Variants in OLAH observed in about 807,000 individuals in gnomAD.
The protein encoded by OLAH is oleoyl-ACP hydrolase, also known as S-acyl fatty acid synthase thioesterase, medium chain.
In OLAH, 33 loss-of-function variants were observed where a neutral mutation model predicts 27.8. The observed-to-expected ratio is 1.19, with a 90% CI of 0.90 to 1.59. The LOEUF is 1.59. Among genes scored for constraint, OLAH ranks in the 40% most tolerant of loss-of-function variants. The pLI is 0.00. For synonymous variants in OLAH, 120 were observed against 102.9 expected (o/e 1.17, Z -1.01); for missense variants, 359 against 310.8 (o/e 1.16, Z -1.17).
intron 3 of OLAH, among the ~76,000 whole-genome samples, chr10:15,050,048 A>G (rs575156848): frequency 3.9e-5 from 6 of 152,262 alleles, no homozygotes; most frequent in East Asian, 1.9e-4. Context: ...CCATCTTGCA[A>G]TTGTTTCCAA....
In OLAH at chr10:15,055,240, T is replaced by C. The variant is rs1844224171; in HGVS notation, c.163+5475T>C. Among the ~76,000 whole-genome samples the C allele has an allele frequency of 2.6e-5, 4 of 152,342 alleles. No individual in the cohort carries two copies. The South Asian group carries it at 8.3e-4, about 32-fold the overall frequency. Reference sequence around the variant, plus strand: ...ACATTTATCTTTGTTTACGACAAAGTGTGTTAGATTTTCCTGACGAGCAAG... The same window carrying C: ...ACATTTATCTTTGTTTACGACAAAGCGTGTTAGATTTTCCTGACGAGCAAG... On this transcript the variant is annotated intron_variant, in intron 3 of 7. Coordinates refer to ENST00000378228, the MANE Select transcript of OLAH (RefSeq NM_001039702.3).
intron 6 of OLAH, among the ~76,000 whole-genome samples, chr10:15,067,370 C>G (rs1400181376): frequency 8.1e-6 from 1 of 123,024 alleles, no homozygotes; most frequent in Non-Finnish European, 1.6e-5. Flanking sequence ...CTCATCTCAT[C>G]AAAGAAGGGA....
At chr10:15,066,603 T>A (rs1844471940) in intron 6 of OLAH, among the ~76,000 whole-genome samples, 1 of 149,000 alleles carries the variant, frequency 6.7e-6, no homozygotes, top group Non-Finnish European at 1.5e-5. Context: ...TTCCTATTTT[T>A]ATTTTATTTA....
chr10:15,071,826 T>G lies in OLAH; in HGVS notation c.604T>G (p.Cys202Gly), dbSNP rs1346072659. 2 of 1,613,730 alleles carry G rather than the reference T, an allele frequency of 1.2e-6. No homozygotes were observed. Among genetic ancestry groups the G allele is most frequent in the East Asian group, 4.5e-5 (2 of 44,888 alleles). Residue 202 changes from cysteine (C) to glycine (G), a missense_variant, in exon 7 of 8, where the codon TGT becomes GGT. Coordinates refer to ENST00000378228, the MANE Select transcript of OLAH (RefSeq NM_001039702.3). Reference sequence around the variant, plus strand: ...CGTACCATCTAAGGCTGTTCTTTCCTGTGACTTGACATGTTTTGTTGGATC... The same window carrying G: ...CGTACCATCTAAGGCTGTTCTTTCCGGTGACTTGACATGTTTTGTTGGATC... ...SNVPSKAVLS[C>G]DLTCFVGSED...
chr10:15,072,996 C>T (rs1844621305), intron 7 of OLAH, 91 bp from the exon 8 acceptor site: 6 of 1,221,660 alleles, frequency 4.9e-6, no homozygotes, highest in Non-Finnish European at 7.1e-6. Flanking sequence ...AACCGTACTT[C>T]AGGGTGTCAG....
chr10:15,040,702 A>T (rs893455880), upstream of OLAH, among the ~76,000 whole-genome samples: 1 of 152,064 alleles, frequency 6.6e-6, no homozygotes, highest in African/African-American at 2.4e-5. Context: ...ATTCCACATG[A>T]TAGGAATTCC....
Position 15,055,851 on chromosome 10 carries a change from CT to C in OLAH, c.164-5858del, listed in dbSNP as rs35808430. Among the ~76,000 whole-genome samples the C allele has an allele frequency of 8.6e-3, 1,225 of 142,122 alleles. 7 individuals carry two copies. The highest frequency in any genetic ancestry group is 0.023 in the African/African-American group (883 of 38,732). 93.2% of individuals were successfully genotyped at this position (142,122 alleles called of 152,430 possible). On this transcript the variant is annotated intron_variant, in intron 3 of 7. Coordinates refer to ENST00000378228, the MANE Select transcript of OLAH (RefSeq NM_001039702.3). ...TCTCTCATATTTCTAACTTTATATA[CT>C]TTTTTTTTTTTTTTGGAGACAGAGT...
upstream of OLAH, among the ~76,000 whole-genome samples, chr10:15,039,550 C>T (rs1035605195): frequency 2.9e-4 from 44 of 152,188 alleles, no homozygotes; most frequent in African/African-American, 1.1e-3. Context: ...GCACTCCAGC[C>T]TGGACAATAA....
At chr10:15,067,891 C>A (rs1844499500) in intron 6 of OLAH, among the ~76,000 whole-genome samples, 1 of 152,222 alleles carries the variant, frequency 6.6e-6, no homozygotes, top group Non-Finnish European at 1.5e-5. Context: ...GCTGTGACTA[C>A]TTCAGCTCAT....
chr10:15,047,239 G>C lies in OLAH; in HGVS notation c.-50G>C, dbSNP rs370560570. The C allele has an allele frequency of 2.5e-6, 4 of 1,603,218 alleles. No homozygotes were observed. Among genetic ancestry groups the C allele is most frequent in the Non-Finnish European group, 2.6e-6 (3 of 1,172,840 alleles). The stretch of plus-strand genomic sequence containing the variant: ...CTCAAGAGGAACTGACTTCTGTTGA[G>C]CACTCAACACGCCACAGAGACCAGC... On this transcript the variant is annotated 5_prime_UTR_variant, in exon 2 of 8. Coordinates refer to ENST00000378228, the MANE Select transcript of OLAH (RefSeq NM_001039702.3).
chr10:15,052,693 T>C (rs2131352062), intron 3 of OLAH, among the ~76,000 whole-genome samples: 1 of 152,268 alleles, frequency 6.6e-6, no homozygotes, highest in Middle Eastern at 3.4e-3. Flanking sequence ...TTTGCTTCTT[T>C]TATAAATGAC....
chr10:15,035,564 C>T (rs1843829153), intron 1 of OLAH, among the ~76,000 whole-genome samples: 1 of 152,136 alleles, frequency 6.6e-6, no homozygotes, highest in African/African-American at 2.4e-5. Context: ...TGAGACAGCA[C>T]CAAGCCACGT....
At chr10:15,041,274 A>AT (rs199575174), upstream of OLAH, among the ~76,000 whole-genome samples, 15 of 136,592 alleles carry the variant, frequency 1.1e-4, no homozygotes, top group Non-Finnish European at 2.1e-4. Context: ...TTTTATTTTT[A>AT]TTTTTATTTT....
chr10:15,051,014 T>A (rs544914791), intron 3 of OLAH, among the ~76,000 whole-genome samples: 1 of 151,648 alleles, frequency 6.6e-6, no homozygotes, highest in Admixed American at 6.6e-5. Flanking sequence ...TGCACTTTTT[T>A]ATTTAATGTT....
intron 1 of OLAH, among the ~76,000 whole-genome samples, chr10:15,046,654 A>G (rs1039487367): frequency 6.6e-6 from 1 of 151,882 alleles, no homozygotes; most frequent in African/African-American, 2.4e-5. Flanking sequence ...TTTAGTAGAG[A>G]TGGGGGTTTC....
rs1844017685 is a variant in OLAH, at chr10:15,046,340, A to ATAAC, written c.-163-783_-163-782insCTAA. On this transcript the variant is annotated intron_variant, in intron 1 of 7. Coordinates refer to ENST00000378228, the MANE Select transcript of OLAH (RefSeq NM_001039702.3). ...CAAAAAAATATAAATAAATAAATAA[A>ATAAC]TAAATAAATAAATGACAGTTCTTTC... Among the ~76,000 whole-genome samples the ATAAC allele has an allele frequency of 1.6e-4, 25 of 151,952 alleles. No homozygotes were observed. The South Asian group carries it at 5.2e-3, about 32-fold the overall frequency.
chr10:15,034,414 T>G (rs931251443), intron 1 of OLAH, among the ~76,000 whole-genome samples: 1 of 151,834 alleles, frequency 6.6e-6, no homozygotes, highest in South Asian at 2.1e-4. Context: ...ATTACAGGAG[T>G]AAGCCACTGC....
intron 3 of OLAH, chr10:15,056,894 C>T (rs1276871610): frequency 6.5e-7 from 1 of 1,535,138 alleles, no homozygotes; most frequent in East Asian, 2.5e-5. Context: ...CTGCTTCAGC[C>T]TACCCATGTG....
intron 2 of OLAH, 139 bp downstream of exon 2, chr10:15,047,459 C>A: frequency 4.8e-6 from 4 of 830,030 alleles, no homozygotes; most frequent in Non-Finnish European, 8.0e-6. Flanking sequence ...CTTTGGGAGC[C>A]TGAGGCAGGT....
Sources: allele counts gnomAD v4.1 joint callset (sites outside exome capture counted in the v4.1 genomes callset), GRCh38; gene constraint gnomAD v4.1.1; transcripts MANE v1.5; gene names NCBI Gene and HGNC (gene_info 2026-07-23, HGNC 2026-07-21).